Variants in FHL2 observed in about 807,000 individuals in gnomAD.
FHL2 encodes four and a half LIM domains protein 2.
In FHL2, 20 loss-of-function variants were observed where a neutral mutation model predicts 32.7. The ratio of observed to expected loss-of-function variants is 0.61; its 90% confidence interval spans 0.43 to 0.89. FHL2 has a LOEUF of 0.89. Among genes scored for constraint, FHL2 ranks in the 40% least tolerant of loss-of-function variants. FHL2 has a pLI of 0.00. For synonymous variants in FHL2, 123 were observed against 128.1 expected (o/e 0.96, Z 0.27); for missense variants, 311 against 358.6 (o/e 0.87, Z 1.07).
chr2:105,367,777 G>A, intron 4 of FHL2, 38 bp from the exon 5 acceptor site: 3 of 1,589,806 alleles, frequency 1.9e-6, no homozygotes, highest in Non-Finnish European at 2.6e-6. Context: ...CAGAGTTATG[G>A]TTAGAGGGGT....
At chr2:105,433,581 G>A (rs1343786674) in intron 1 of FHL2, among the ~76,000 whole-genome samples, 1 of 152,082 alleles carries the variant, frequency 6.6e-6, no homozygotes, top group East Asian at 1.9e-4. Context: ...ATTTAAATCT[G>A]GCTTCCCCTG....
intron 1 of FHL2, among the ~76,000 whole-genome samples, chr2:105,404,976 T>G (rs1683580918): frequency 6.6e-6 from 1 of 152,236 alleles, no homozygotes; most frequent in African/African-American, 2.4e-5. Flanking sequence ...GGATACAGTT[T>G]CCACTGTGGC....
downstream of FHL2, chr2:105,358,999 G>A (rs2576777): frequency 0.14 from 21,130 of 152,258 alleles, 1,819 homozygotes; most frequent in South Asian, 0.24. Flanking sequence ...GCGGGGGCCT[G>A]CCATTGGATA....
intron 1 of FHL2, among the ~76,000 whole-genome samples, chr2:105,412,431 C>G (rs77771135): frequency 1.3e-5 from 2 of 152,118 alleles, no homozygotes; most frequent in South Asian, 4.1e-4. Context: ...TCAATTTTGA[C>G]TTATTGAAAC....
chr2:105,363,271 C>A lies in FHL2; in HGVS notation c.688+14G>T. The stretch of plus-strand genomic sequence containing the variant: ...TCCAATCGCCCCTGGAAATGGGAAC[C>A]CCGGGACACTCACCGCTGATGGGGT... On this transcript the variant is annotated intron_variant, in intron 6 of 6. Coordinates refer to ENST00000530340, the MANE Select transcript of FHL2 (RefSeq NM_001318895.3). 1.9e-6 allele frequency: 3 copies of A among 1,613,190 alleles called. No homozygotes were observed. Among genetic ancestry groups the A allele is most frequent in the Non-Finnish European group, 2.5e-6 (3 of 1,179,332 alleles).
chr2:105,366,380 C>T (rs1217659945), intron 5 of FHL2, among the ~76,000 whole-genome samples: 1 of 152,140 alleles, frequency 6.6e-6, no homozygotes, highest in Non-Finnish European at 1.5e-5. Context: ...AGGGTAGAGG[C>T]CCCAAGGGCA....
chr2:105,387,397 G>A (rs987504836), intron 2 of FHL2, among the ~76,000 whole-genome samples: 15 of 152,206 alleles, frequency 9.9e-5, no homozygotes, highest in Admixed American at 9.2e-4. Context: ...GGGAGTGCAA[G>A]CTGCCCTTGC....
At chr2:105,404,041 G>A (rs981851673), upstream of FHL2, among the ~76,000 whole-genome samples, 5 of 152,194 alleles carry the variant, frequency 3.3e-5, no homozygotes, top group Admixed American at 2.0e-4. Flanking sequence ...ATCTGTGCAG[G>A]GGCCAACAGT....
rs564721125 is a variant in FHL2, at chr2:105,388,691, G to A, written c.-24-2151C>T. Among the ~76,000 whole-genome samples, 349 of 151,706 alleles carry A rather than the reference G, an allele frequency of 2.3e-3. 2 individuals carry two copies. Among genetic ancestry groups the A allele is most frequent in the Non-Finnish European group, 1.9e-3 (126 of 67,932 alleles). On this transcript the variant is annotated intron_variant, in intron 2 of 6. Coordinates refer to ENST00000530340, the MANE Select transcript of FHL2 (RefSeq NM_001318895.3). ...TACAAAAAAAAAAAAAAAATTAGCC[G>A]GGCTTACTGGCACATGCCTGTAATC...
chr2:105,424,680 T>G (rs898313420), intron 1 of FHL2, among the ~76,000 whole-genome samples: 1 of 152,198 alleles, frequency 6.6e-6, no homozygotes, highest in Admixed American at 6.5e-5. Flanking sequence ...ATATACACCA[T>G]GGAATACTAT....
chr2:105,393,766 A>G (rs1056029355), intron 2 of FHL2, among the ~76,000 whole-genome samples: 4 of 152,206 alleles, frequency 2.6e-5, no homozygotes, highest in African/African-American at 9.6e-5. Context: ...CAAACCCAAC[A>G]TGTAATGTGG....
intron 1 of FHL2, among the ~76,000 whole-genome samples, chr2:105,412,622 A>G (rs922440838): frequency 1.3e-5 from 2 of 152,234 alleles, no homozygotes; most frequent in African/African-American, 4.8e-5. Flanking sequence ...GAGGTCGTGC[A>G]AGAAAGCACG....
chr2:105,432,020 A>G (rs185574388), intron 1 of FHL2, among the ~76,000 whole-genome samples: 138 of 152,312 alleles, frequency 9.1e-4, no homozygotes, highest in Non-Finnish European at 1.6e-3. Flanking sequence ...TATTCAAACA[A>G]TGTTGAACTT....
At chr2:105,404,501 T>C (rs896447645) in intron 1 of FHL2, among the ~76,000 whole-genome samples, 2 of 152,112 alleles carry the variant, frequency 1.3e-5, no homozygotes, top group African/African-American at 4.8e-5. Flanking sequence ...CTGGAAACAC[T>C]ATTTGCCCGG....
intron 3 of FHL2, chr2:105,373,970 A>G: frequency 1.8e-6 from 1 of 557,812 alleles, no homozygotes; most frequent in Non-Finnish European, 3.2e-6. Flanking sequence ...ATGTATGCAC[A>G]TGTCTGTGTG....
At chr2:105,381,554 G>A (rs1225789452) in intron 3 of FHL2, among the ~76,000 whole-genome samples, 1 of 152,108 alleles carries the variant, frequency 6.6e-6, no homozygotes, top group East Asian at 1.9e-4. Context: ...ATGTCTTGTG[G>A]CTGAACTTTT....
chr2:105,412,257 G>A (rs1683816036), intron 1 of FHL2, among the ~76,000 whole-genome samples: 1 of 152,198 alleles, frequency 6.6e-6, no homozygotes, highest in South Asian at 2.1e-4. Context: ...CACTTAAAAA[G>A]GAAGGACATT....
chr2:105,390,051 A>G (rs1682605555), intron 2 of FHL2: 1 of 151,396 alleles, frequency 6.6e-6, no homozygotes, highest in South Asian at 2.1e-4. Context: ...ACACGGTGAA[A>G]CCCCATCTCT....
At chr2:105,365,431 G>C (rs1285716859) in intron 5 of FHL2, among the ~76,000 whole-genome samples, 1 of 152,190 alleles carries the variant, frequency 6.6e-6, no homozygotes, top group Non-Finnish European at 1.5e-5. Flanking sequence ...AGAAGGATGT[G>C]TTGCTTTCAT....
Sources: allele counts gnomAD v4.1 joint callset (sites outside exome capture counted in the v4.1 genomes callset), GRCh38; gene constraint gnomAD v4.1.1; transcripts MANE v1.5; gene names NCBI Gene and HGNC (gene_info 2026-07-23, HGNC 2026-07-21).